The following WDR49 variants were observed in gnomAD, a reference collection of about 807,000 sequenced individuals.
The protein encoded by WDR49 is cilia- and flagella-associated protein 337.
WDR49 carries 107 observed loss-of-function variants against 119.5 expected under a neutral mutation model. The ratio of observed to expected loss-of-function variants is 0.90; its 90% CI spans 0.77 to 1.05. The LOEUF is 1.05. WDR49 is among the 50% of genes least tolerant of loss of function. The pLI is 0.00. For missense variants in WDR49, 1,240 were observed against 1,220.5 expected (o/e 1.02, Z -0.24); for synonymous variants, 425 against 418.8 (o/e 1.01, Z -0.18).
At chr3:167,590,605 G>A (rs1408608033) in intron 7 of WDR49, among the ~76,000 whole-genome samples, 3 of 151,820 alleles carry the variant, frequency 2.0e-5, no homozygotes, top group African/African-American at 7.2e-5. Context: ...TTCAGGTTTT[G>A]AAAATTTTTA....
intron 5 of WDR49, 21 bp from the exon 6 acceptor site, chr3:167,604,489 G>T (rs749076419): frequency 4.5e-6 from 7 of 1,563,570 alleles, no homozygotes; most frequent in Admixed American, 1.9e-5. Context: ...ATTAAAAAGA[G>T]AAAAACAATC....
chr3:167,548,241 G>A (rs1006669496), intron 10 of WDR49, among the ~76,000 whole-genome samples: 3 of 151,826 alleles, frequency 2.0e-5, no homozygotes, highest in African/African-American at 7.3e-5. Flanking sequence ...ACACTAAGGG[G>A]GCAATTTACT....
intron 8 of WDR49, among the ~76,000 whole-genome samples, chr3:167,571,871 C>T (rs929301715): frequency 2.0e-5 from 3 of 152,120 alleles, no homozygotes; most frequent in African/African-American, 7.2e-5. Flanking sequence ...AATTTGATGA[C>T]ACCTAAATGT....
chr3:167,485,677 C>T (rs1019610963), intron 18 of WDR49, among the ~76,000 whole-genome samples: 2 of 152,112 alleles, frequency 1.3e-5, no homozygotes, highest in African/African-American at 4.8e-5. Flanking sequence ...CACTCAAAGA[C>T]TGGTTCTTCA....
Position 167,565,323 on chromosome 3 carries a change from G to C in WDR49, c.1510-5095C>G, listed in dbSNP as rs754694644. On this transcript the variant is annotated intron_variant, in intron 8 of 18. Coordinates refer to ENST00000682715, the MANE Select transcript of WDR49 (RefSeq NM_001366157.1). ...CCAGCAGTGAATAAGTTCTGCTCTT[G>C]CATTTTGTCCAGGGAGAGAGGCAAC... Among the ~76,000 whole-genome samples the C allele has an allele frequency of 7.4e-5, 11 of 148,878 alleles. No homozygotes were observed. The Admixed American group carries it at 7.4e-4, about 10-fold the overall frequency.
chr3:167,565,737 T>C (rs1342851704), intron 8 of WDR49, among the ~76,000 whole-genome samples: 1 of 151,916 alleles, frequency 6.6e-6, no homozygotes, highest in Non-Finnish European at 1.5e-5. Context: ...GCTTAAGCAG[T>C]GTGAGGGAAG....
chr3:167,546,691 CA>C (rs577403777), intron 10 of WDR49, among the ~76,000 whole-genome samples: 5,935 of 90,814 alleles, frequency 0.065, 302 homozygotes, highest in African/African-American at 0.19. Context: ...CTGTCAAGTG[CA>C]AAAAAAAAAA....
At chr3:167,635,000 G>A (rs1717546978) in intron 2 of WDR49, among the ~76,000 whole-genome samples, 1 of 151,430 alleles carries the variant, frequency 6.6e-6, no homozygotes, top group South Asian at 2.1e-4. Context: ...TTATATATTG[G>A]TCTTTATTAC....
At chr3:167,608,346 A>G (rs915181408) in intron 5 of WDR49, among the ~76,000 whole-genome samples, 1 of 152,256 alleles carries the variant, frequency 6.6e-6, no homozygotes, top group Non-Finnish European at 1.5e-5. Context: ...CCAGAAAATT[A>G]CTTCGTCATG....
chr3:167,528,660 G>A (rs1351694595), intron 14 of WDR49, among the ~76,000 whole-genome samples: 1 of 152,094 alleles, frequency 6.6e-6, no homozygotes, highest in Non-Finnish European at 1.5e-5. Context: ...TGAAGTTGCA[G>A]AGAGCTATAA....
chr3:167,501,948 T>C (rs1463334612), intron 17 of WDR49, among the ~76,000 whole-genome samples: 1 of 152,188 alleles, frequency 6.6e-6, no homozygotes, highest in Non-Finnish European at 1.5e-5. Flanking sequence ...CTGACTAATA[T>C]AGTAAGGATA....
intron 18 of WDR49, among the ~76,000 whole-genome samples, chr3:167,486,292 C>CA (rs941978510): frequency 2.6e-5 from 4 of 152,056 alleles, no homozygotes; most frequent in African/African-American, 9.7e-5. Flanking sequence ...CCTACTACCA[C>CA]AAAAACACAC....
intron 7 of WDR49, among the ~76,000 whole-genome samples, chr3:167,578,441 CAT>C (rs1030160849): frequency 7.9e-5 from 12 of 152,068 alleles, no homozygotes; most frequent in Middle Eastern, 3.4e-3. Flanking sequence ...ATTGTGCACA[CAT>C]GTGTGTGTAT....
chr3:167,522,401 A>T lies in WDR49; in HGVS notation c.2688T>A (p.Ile896=). The T allele has an allele frequency of 6.2e-7, 1 of 1,611,392 alleles. No individual in the cohort carries two copies. Among genetic ancestry groups the T allele is most frequent in the East Asian group, 2.2e-5 (1 of 44,728 alleles). The change falls in exon 16 of 19, where the codon ATT becomes ATA. Residue 896 remains isoleucine (I), a synonymous_variant. Transcript: ENST00000682715. The stretch of plus-strand genomic sequence containing the variant: ...AAGATTCCTCCTTAGAAAATAAAGA[A>T]ATTTCCTTTTGAATCTCACTTTCCA... ...NLVESEIQKE[I]SLFSKEESCL... is the part of the protein sequence containing the mutation.
chr3:167,570,890 G>A (rs1208187387), intron 8 of WDR49, among the ~76,000 whole-genome samples: 1 of 152,024 alleles, frequency 6.6e-6, no homozygotes, highest in African/African-American at 2.4e-5. Flanking sequence ...GTGAAAAGTA[G>A]CCGGGCATGG....
At chr3:167,568,511 G>A (rs73878754) in intron 8 of WDR49, among the ~76,000 whole-genome samples, 8,168 of 152,112 alleles carry the variant, frequency 0.054, 237 homozygotes, top group Middle Eastern at 0.1. Context: ...GTGTAACTAC[G>A]GCAGTGGTTT....
intron 11 of WDR49, among the ~76,000 whole-genome samples, chr3:167,533,909 C>T (rs1476568966): frequency 6.6e-6 from 1 of 151,970 alleles, no homozygotes; most frequent in Non-Finnish European, 1.5e-5. Flanking sequence ...GAGAAATGCA[C>T]ACCAAACTCT....
intron 15 of WDR49, among the ~76,000 whole-genome samples, chr3:167,525,901 C>T (rs1752613399): frequency 6.6e-6 from 1 of 151,730 alleles, no homozygotes; most frequent in Non-Finnish European, 1.5e-5. Flanking sequence ...TTTCCTTTCC[C>T]TCTTTTCCTT....
At chr3:167,599,019 G>C (rs1044115798) in intron 7 of WDR49, among the ~76,000 whole-genome samples, 4 of 152,192 alleles carry the variant, frequency 2.6e-5, no homozygotes, top group African/African-American at 9.7e-5. Context: ...CACTGAGACT[G>C]TGCTGGGTCA....
Sources: allele counts gnomAD v4.1 joint callset (sites outside exome capture counted in the v4.1 genomes callset), GRCh38; gene constraint gnomAD v4.1.1; transcripts MANE v1.5; gene names NCBI Gene and HGNC (gene_info 2026-07-23, HGNC 2026-07-21).